Variants in NRCAM observed in about 807,000 individuals in gnomAD.
NRCAM encodes neuronal cell adhesion molecule, also known as NgCAM-related cell adhesion molecule.
NRCAM carries 83 observed loss-of-function variants against 156.5 expected under a neutral mutation model. That is an observed-to-expected ratio of 0.53 (90% confidence interval 0.44 to 0.64). The LOEUF is 0.64. Among genes scored for constraint, NRCAM ranks in the 30% least tolerant of loss-of-function variants. NRCAM has a pLI of 0.00. For synonymous variants in NRCAM, 538 were observed against 563.9 expected (o/e 0.95, Z 0.65); for missense variants, 1,417 against 1,597.3 (o/e 0.89, Z 1.92).
intron 3 of NRCAM, among the ~76,000 whole-genome samples, chr7:108,244,198 G>A (rs1405375691): frequency 6.6e-6 from 1 of 151,984 alleles, no homozygotes; most frequent in Non-Finnish European, 1.5e-5. Context: ...CTCTATTTGG[G>A]CTTTTCAGCA....
At chr7:108,230,121 T>C (rs182712018) in intron 8 of NRCAM, among the ~76,000 whole-genome samples, 6 of 152,290 alleles carry the variant, frequency 3.9e-5, no homozygotes, top group East Asian at 1.9e-4. Flanking sequence ...CCCCAACAGC[T>C]TGACTTCCTC....
chr7:108,246,912 T>C (rs1455646331), intron 3 of NRCAM, among the ~76,000 whole-genome samples: 1 of 152,208 alleles, frequency 6.6e-6, no homozygotes, highest in African/African-American at 2.4e-5. Context: ...TGTCACATGC[T>C]TTGGCCAGTG....
rs753317879 is a variant in NRCAM at position 108,207,601 on chromosome 7, C to T, written c.1134G>A (p.Gly378=). ...TGCCATTAGCTCTGCAGATCAAGGTCCCATCCTCTCCTGGGGACAGCACAA... is the reference window on the plus strand; with the variant it reads ...TGCCATTAGCTCTGCAGATCAAGGTTCCATCCTCTCCTGGGGACAGCACAA... The part of the protein sequence containing the change: ...QNLVLSPGED[G]TLICRANGNP... The change falls in exon 13 of 33, where the codon GGG becomes GGA. Residue 378 remains glycine, a synonymous_variant. Transcript: ENST00000379028. 8 of 1,613,904 alleles carry T rather than the reference C, an allele frequency of 5.0e-6. No homozygotes were observed. Among genetic ancestry groups the T allele is most frequent in the Non-Finnish European group, 6.8e-6 (8 of 1,179,824 alleles).
At chr7:108,168,503 T>A in intron 28 of NRCAM, 101 bp from the exon 29 acceptor site, 1 of 1,069,412 alleles carries the variant, frequency 9.4e-7, no homozygotes, top group Non-Finnish European at 1.2e-6. Context: ...CAAATAGAAT[T>A]AAATAGAATT....
chr7:108,445,623 A>T (rs912281320), intron 1 of NRCAM, among the ~76,000 whole-genome samples: 2 of 152,174 alleles, frequency 1.3e-5, no homozygotes, highest in South Asian at 2.1e-4. Context: ...GGGTGGTGAC[A>T]AAGATTTTGT....
intron 3 of NRCAM, among the ~76,000 whole-genome samples, chr7:108,254,924 A>T (rs1253406369): frequency 6.6e-6 from 1 of 152,228 alleles, no homozygotes; most frequent in East Asian, 1.9e-4. Context: ...AAGAGTAATG[A>T]AAACATATAA....
rs1563211338 is a variant in NRCAM at position 108,164,573 on chromosome 7, G to GAGAGGAGAGGAGAGGAGGAGC, written c.3466+2347_3466+2348insGCTCCTCCTCTCCTCTCCTCT. 7.8e-4 allele frequency among the ~76,000 whole-genome samples: 118 copies of GAGAGGAGAGGAGAGGAGGAGC among 151,920 alleles called. 1 individual carries two copies. The highest frequency in any genetic ancestry group is 2.8e-3 in the African/African-American group (114 of 41,378). On this transcript the variant is annotated intron_variant, in intron 30 of 32. Transcript: ENST00000379028. ...GAGAGGAGAGGAGAGGAGAGGAGAG[G>GAGAGGAGAGGAGAGGAGGAGC]AGGAGCAGGAGCAGGAGCAGGGGCA...
At chr7:108,206,704 T>C (rs2081336898) in intron 13 of NRCAM, among the ~76,000 whole-genome samples, 1 of 152,202 alleles carries the variant, frequency 6.6e-6, no homozygotes, top group African/African-American at 2.4e-5. Flanking sequence ...GATTTTTTCT[T>C]TGCTATAATT....
intron 2 of NRCAM, among the ~76,000 whole-genome samples, chr7:108,393,436 C>T (rs561180370): frequency 1.8e-4 from 27 of 152,200 alleles, no homozygotes; most frequent in African/African-American, 6.0e-4. Context: ...TTTGGAAAAG[C>T]GTAGTATTAG....
intron 2 of NRCAM, among the ~76,000 whole-genome samples, chr7:108,388,743 G>C (rs1462131283): frequency 6.6e-6 from 1 of 152,194 alleles, no homozygotes; most frequent in Non-Finnish European, 1.5e-5. Flanking sequence ...TGTATAAGGT[G>C]TAAGGAAGGG....
intron 1 of NRCAM, among the ~76,000 whole-genome samples, chr7:108,410,578 T>G (rs1228189966): frequency 6.6e-6 from 1 of 152,220 alleles, no homozygotes; most frequent in Non-Finnish European, 1.5e-5. Flanking sequence ...TTGATCAATT[T>G]TTAAAGCTCA....
intron 1 of NRCAM, among the ~76,000 whole-genome samples, chr7:108,425,032 G>A (rs566635175): frequency 2.2e-4 from 33 of 152,196 alleles, no homozygotes; most frequent in Non-Finnish European, 3.8e-4. Flanking sequence ...TTCAATTAGT[G>A]CCTTAGGACA....
intron 2 of NRCAM, among the ~76,000 whole-genome samples, chr7:108,368,234 A>ACC (rs1372350824): frequency 2.3e-4 from 14 of 60,394 alleles, no homozygotes; most frequent in East Asian, 4.6e-4. Context: ...ACCCCCCCCC[A>ACC]CCCCCCCGCC....
intron 20 of NRCAM, among the ~76,000 whole-genome samples, 171 bp from the exon 21 acceptor site, chr7:108,184,785 C>A (rs1038476028): frequency 2.0e-5 from 3 of 152,092 alleles, no homozygotes; most frequent in Non-Finnish European, 4.4e-5. Flanking sequence ...TCATTATCCT[C>A]AACATATAAA....
chr7:108,399,932 T>C (rs1007420550), intron 1 of NRCAM, among the ~76,000 whole-genome samples: 8 of 152,234 alleles, frequency 5.3e-5, no homozygotes, highest in African/African-American at 1.9e-4. Flanking sequence ...TCTACTCTGA[T>C]GCTTCATGGG....
At chr7:108,267,228 T>C (rs2154024724) in intron 3 of NRCAM, among the ~76,000 whole-genome samples, 1 of 152,350 alleles carries the variant, frequency 6.6e-6, no homozygotes, top group South Asian at 2.1e-4. Flanking sequence ...ATACAACTGT[T>C]ATTTTAAAAA....
At chr7:108,361,542 C>T (rs2099551109) in intron 2 of NRCAM, among the ~76,000 whole-genome samples, 1 of 152,174 alleles carries the variant, frequency 6.6e-6, no homozygotes, top group African/African-American at 2.4e-5. Context: ...GGGACATTGA[C>T]TTTTTCTGCC....
At chr7:108,291,128 C>A (rs911661928) in intron 3 of NRCAM, among the ~76,000 whole-genome samples, 2 of 152,130 alleles carry the variant, frequency 1.3e-5, no homozygotes, top group African/African-American at 4.8e-5. Flanking sequence ...AAGAAAAGGG[C>A]TGCATTTCTG....
At chr7:108,192,077 A>G (rs2072139904) in intron 17 of NRCAM, among the ~76,000 whole-genome samples, 1 of 152,224 alleles carries the variant, frequency 6.6e-6, no homozygotes, top group Non-Finnish European at 1.5e-5. Flanking sequence ...CTGGCACAGT[A>G]TTTTTCAACC....
Sources: allele counts gnomAD v4.1 joint callset (sites outside exome capture counted in the v4.1 genomes callset), GRCh38; gene constraint gnomAD v4.1.1; transcripts MANE v1.5; gene names NCBI Gene and HGNC (gene_info 2026-07-23, HGNC 2026-07-21).